Variants in RAB10 observed in about 807,000 individuals in gnomAD.
RAB10 encodes ras-related protein Rab-10.
RAB10 carries 5 observed loss-of-function variants against 25.7 expected under a neutral mutation model. That is an observed-to-expected ratio of 0.19 (90% CI 0.10 to 0.41). RAB10 has a LOEUF of 0.41. Among genes scored for constraint, RAB10 ranks in the 10% least tolerant of loss-of-function variants. The pLI is 1.00. For synonymous variants in RAB10, 89 were observed against 86.4 expected (o/e 1.03, Z -0.16); for missense variants, 103 against 245.8 (o/e 0.42, Z 3.89).
chr2:26,127,770 A>G, intron 4 of RAB10, 80 bp from the exon 5 acceptor site: 2 of 962,610 alleles, frequency 2.1e-6, no homozygotes, highest in East Asian at 4.8e-5. Flanking sequence ...TCAGAATAAG[A>G]TTAATATTTA....
Position 26,100,283 on chromosome 2 carries a change from A to G in RAB10, c.188+1561A>G, listed in dbSNP as rs1667315726. Among the ~76,000 whole-genome samples the G allele has an allele frequency of 2.0e-5, 3 of 152,230 alleles. No homozygotes were observed. The South Asian group carries it at 6.2e-4, about 31-fold the overall frequency. On this transcript the variant is annotated intron_variant, in intron 2 of 5. Transcript: ENST00000264710. ...GTTCACAGTATCTTTTTATGTCACC[A>G]TAATACAGGTTTCTAAGCCTGCTTT...
At chr2:26,076,401 C>T (rs1011259683) in intron 1 of RAB10, among the ~76,000 whole-genome samples, 22 of 152,122 alleles carry the variant, frequency 1.4e-4, no homozygotes, top group African/African-American at 5.1e-4. Context: ...TGTAACCTGA[C>T]ACCATCACAA....
chr2:26,038,619 G>T (rs1447659867), intron 1 of RAB10, among the ~76,000 whole-genome samples: 1 of 152,058 alleles, frequency 6.6e-6, no homozygotes, highest in Non-Finnish European at 1.5e-5. Flanking sequence ...TTAGCTCTGT[G>T]CACAGGTTTA....
At chr2:26,063,590 C>A (rs1333723638) in intron 1 of RAB10, among the ~76,000 whole-genome samples, 2 of 152,146 alleles carry the variant, frequency 1.3e-5, no homozygotes, top group Non-Finnish European at 2.9e-5. Flanking sequence ...TAGTAAATAA[C>A]ATATACTTTA....
At chr2:26,077,114 TACTAC>T (rs1666753854) in intron 1 of RAB10, among the ~76,000 whole-genome samples, 1 of 152,244 alleles carries the variant, frequency 6.6e-6, no homozygotes, top group African/African-American at 2.4e-5. Flanking sequence ...CATTAATTTC[TACTAC>T]ACTAATTTTG....
intron 1 of RAB10, among the ~76,000 whole-genome samples, chr2:26,051,364 C>CTT (rs1666129082): frequency 1.2e-4 from 1 of 8,626 alleles, no homozygotes; most frequent in Non-Finnish European, 1.9e-4. Flanking sequence ...CTTTTTGCCC[C>CTT]CCCCCCCCCC....
At chr2:26,037,397 G>A (rs1168707285) in intron 1 of RAB10, among the ~76,000 whole-genome samples, 2 of 152,072 alleles carry the variant, frequency 1.3e-5, no homozygotes, top group Non-Finnish European at 2.9e-5. Context: ...CCAGCTCTTT[G>A]GGAGGCCGAG....
intron 1 of RAB10, among the ~76,000 whole-genome samples, chr2:26,052,120 G>A (rs955758696): frequency 6.6e-6 from 1 of 151,748 alleles, no homozygotes; most frequent in East Asian, 1.9e-4. Context: ...ACTTATGCCT[G>A]TAATCCTAGC....
intron 1 of RAB10, among the ~76,000 whole-genome samples, chr2:26,089,398 G>C (rs1024396547): frequency 6.8e-6 from 1 of 147,114 alleles, no homozygotes; most frequent in African/African-American, 2.5e-5. Flanking sequence ...ACTCCAGCCT[G>C]GGCGATAGAG....
chr2:26,065,026 C>T (rs1453077159), intron 1 of RAB10, among the ~76,000 whole-genome samples: 1 of 152,184 alleles, frequency 6.6e-6, no homozygotes, highest in African/African-American at 2.4e-5. Context: ...CCACTGCAGG[C>T]TCTGTAGCCT....
intron 1 of RAB10, among the ~76,000 whole-genome samples, chr2:26,055,143 A>T (rs1666229899): frequency 6.6e-6 from 1 of 152,130 alleles, no homozygotes; most frequent in Admixed American, 6.5e-5. Context: ...TAGGGATGCA[A>T]TGGTGTGTAG....
At chr2:26,050,413 A>G (rs1489580176) in intron 1 of RAB10, among the ~76,000 whole-genome samples, 2 of 152,076 alleles carry the variant, frequency 1.3e-5, no homozygotes, top group Non-Finnish European at 2.9e-5. Flanking sequence ...GAAGATTTCT[A>G]ATTTTTTAAG....
intron 1 of RAB10, among the ~76,000 whole-genome samples, chr2:26,082,404 GAGTATATTTCT>G (rs1398092622): frequency 6.6e-6 from 1 of 152,052 alleles, no homozygotes; most frequent in Non-Finnish European, 1.5e-5. Flanking sequence ...TTAGAGCAAG[GAGTATATTTCT>G]AGAAATAAAG....
chr2:26,079,324 AACACACAC>A (rs34334774), intron 1 of RAB10, among the ~76,000 whole-genome samples: 4 of 92,592 alleles, frequency 4.3e-5, no homozygotes, highest in South Asian at 3.4e-4. Context: ...CACACACACA[AACACACAC>A]ACACACACAC....
At chr2:26,068,788 C>T (rs902949058) in intron 1 of RAB10, among the ~76,000 whole-genome samples, 1 of 152,166 alleles carries the variant, frequency 6.6e-6, no homozygotes, top group East Asian at 1.9e-4. Context: ...TTTCCTCAGA[C>T]GTTGTGGGCA....
intron 2 of RAB10, among the ~76,000 whole-genome samples, chr2:26,100,147 T>G (rs1423924305): frequency 6.6e-6 from 1 of 152,174 alleles, no homozygotes; most frequent in African/African-American, 2.4e-5. Flanking sequence ...GTGACATTAT[T>G]TTTAGGTTTG....
upstream of RAB10, among the ~76,000 whole-genome samples, chr2:26,033,542 G>A (rs1382755886): frequency 6.6e-6 from 1 of 152,250 alleles, no homozygotes; most frequent in Non-Finnish European, 1.5e-5. Context: ...GGCACGCCGG[G>A]AGGCGTCTCG....
chr2:26,053,681 T>A (rs1196972990), intron 1 of RAB10, among the ~76,000 whole-genome samples: 1 of 152,174 alleles, frequency 6.6e-6, no homozygotes, highest in East Asian at 1.9e-4. Context: ...ATGCTTTTGC[T>A]TTCCTTAAAT....
chr2:26,064,001 T>C (rs574216886), intron 1 of RAB10, among the ~76,000 whole-genome samples: 2 of 152,300 alleles, frequency 1.3e-5, no homozygotes, highest in African/African-American at 2.4e-5. Context: ...GATTTCACTA[T>C]GTGTTGGCCA....
Sources: allele counts gnomAD v4.1 joint callset (sites outside exome capture counted in the v4.1 genomes callset), GRCh38; gene constraint gnomAD v4.1.1; transcripts MANE v1.5; gene names NCBI Gene and HGNC (gene_info 2026-07-23, HGNC 2026-07-21).